The following NPHP4 variants were observed in gnomAD, a reference collection of about 807,000 sequenced individuals.
NPHP4 encodes the protein nephrocystin 4.
Under a neutral mutation model 155.8 loss-of-function variants are expected in NPHP4, and 151 were observed. The observed-to-expected ratio is 0.97, with a 90% confidence interval of 0.85 to 1.11. NPHP4 has a LOEUF of 1.11. Among genes scored for constraint, NPHP4 ranks in the 50% least tolerant of loss-of-function variants. The probability of loss-of-function intolerance (pLI) is 0.00; values close to 1 mark genes in which losing one functional copy is unlikely to be tolerated. For synonymous variants in NPHP4, 845 were observed against 816.8 expected (o/e 1.03, Z -0.59); for missense variants, 1,956 against 1,925.7 (o/e 1.02, Z -0.29).
chr1:5,863,336 T>A lies in NPHP4; in HGVS notation c.4210A>T (p.Ile1404Phe). The change falls in exon 30 of 30, where the codon ATC (isoleucine) becomes TTC (phenylalanine). Residue 1404 changes from isoleucine to phenylalanine, a missense_variant. Ile to Phe is a conservative substitution (Grantham distance 21). Coordinates refer to ENST00000378156, the MANE Select transcript of NPHP4 (RefSeq NM_015102.5). The part of the protein sequence containing the change: ...APSQRVGEEE[I>F]LIYINDHEDK... ...TCATGGTCATTGATGTAGATCAGGA[T>A]CTCCTCCTCACCCACTCTCTGACTA... is the stretch of plus-strand genomic sequence containing the variant. The A allele has an allele frequency of 6.2e-7, 1 of 1,613,900 alleles. No homozygotes were observed. Among genetic ancestry groups the A allele is most frequent in the South Asian group, 1.1e-5 (1 of 91,080 alleles).
chr1:5,917,054 G>A (rs1240209465), intron 11 of NPHP4, among the ~76,000 whole-genome samples: 3 of 152,190 alleles, frequency 2.0e-5, no homozygotes, highest in South Asian at 4.1e-4. Flanking sequence ...GGGAGACCAG[G>A]AGCCCCAACC....
chr1:5,873,176 G>T, intron 23 of NPHP4, 76 bp downstream of exon 23: 1 of 1,300,676 alleles, frequency 7.7e-7, no homozygotes, highest in Non-Finnish European at 1.1e-6. Flanking sequence ...CAGGAGGGGA[G>T]AGAAGGACAC....
At chr1:5,956,060 G>T (rs71571878) in intron 6 of NPHP4, among the ~76,000 whole-genome samples, 16 of 12,746 alleles carry the variant, frequency 1.3e-3, no homozygotes, top group Non-Finnish European at 4.9e-3. Flanking sequence ...TCAAAAAGCT[G>T]GGGGGGGGGG....
chr1:5,989,490 G>C (rs1324643943), intron 1 of NPHP4, among the ~76,000 whole-genome samples: 2 of 152,282 alleles, frequency 1.3e-5, no homozygotes, highest in East Asian at 3.9e-4. Context: ...ATCTTGTGTT[G>C]AATTGCTCGC....
chr1:5,941,364 G>C (rs916260571), intron 9 of NPHP4, among the ~76,000 whole-genome samples: 1 of 147,834 alleles, frequency 6.8e-6, no homozygotes, highest in African/African-American at 2.5e-5. Flanking sequence ...ATTCCTCTAT[G>C]ACTGGGGAAC....
At chr1:5,885,895 T>G (rs1570240979) in intron 18 of NPHP4, among the ~76,000 whole-genome samples, 1 of 152,252 alleles carries the variant, frequency 6.6e-6, no homozygotes, top group Middle Eastern at 3.4e-3. Flanking sequence ...GTGCTGCGGG[T>G]GGATTCGACC....
rs6689321 is a variant in NPHP4 at position 5,907,323 on chromosome 1, G to A, written c.1504-101C>T. ...CCACACCGGGGAACGGGGTAGCCCT[G>A]GATCCAGCCACGGAAGGGAGTGATG... On this transcript the variant is annotated intron_variant, in intron 12 of 29. Coordinates refer to ENST00000378156, the MANE Select transcript of NPHP4 (RefSeq NM_015102.5). The A allele has an allele frequency of 4.8e-3, 3,297 of 688,404 alleles. 90 individuals are homozygous for A. The African/African-American group carries it at 0.053, about 11-fold the overall frequency. The allele number at this position is 688,404 out of a possible 1,614,324, so 42.6% of individuals were successfully genotyped here.
intron 13 of NPHP4, among the ~76,000 whole-genome samples, chr1:5,906,884 G>A (rs1220832027): frequency 6.6e-6 from 1 of 152,190 alleles, no homozygotes; most frequent in African/African-American, 2.4e-5. Flanking sequence ...TGAGTCAAGC[G>A]CTGTGGTATG....
intron 5 of NPHP4, 42 bp downstream of exon 5, chr1:5,967,257 A>G (rs1286860145): frequency 6.6e-7 from 1 of 1,504,278 alleles, no homozygotes; most frequent in Non-Finnish European, 9.1e-7. Flanking sequence ...CAGGGAAGGC[A>G]CGAGAGCAGT....
chr1:5,919,101 A>G (rs1444139723), intron 11 of NPHP4, among the ~76,000 whole-genome samples: 1 of 152,226 alleles, frequency 6.6e-6, no homozygotes, highest in Non-Finnish European at 1.5e-5. Context: ...TCGCCTATAT[A>G]TACCAGCGGA....
chr1:5,879,795 G>A (rs61762097), intron 19 of NPHP4, among the ~76,000 whole-genome samples: 37 of 77,234 alleles, frequency 4.8e-4, no homozygotes, highest in South Asian at 2.5e-3. Context: ...ACACACACAC[G>A]CAAACACACA....
At chr1:5,984,863 G>T (rs1476391054) in intron 2 of NPHP4, among the ~76,000 whole-genome samples, 1 of 152,224 alleles carries the variant, frequency 6.6e-6, no homozygotes, top group Admixed American at 6.5e-5. Flanking sequence ...CTGGAAGGCG[G>T]CTGAGCCAGA....
At chr1:5,950,778 A>G (rs1229734671) in intron 7 of NPHP4, among the ~76,000 whole-genome samples, 2 of 152,178 alleles carry the variant, frequency 1.3e-5, no homozygotes, top group Non-Finnish European at 2.9e-5. Flanking sequence ...ATTTTCCAAA[A>G]AAGTCCCTTT....
chr1:5,943,200 T>C (rs1473023682), intron 9 of NPHP4, among the ~76,000 whole-genome samples: 2 of 152,118 alleles, frequency 1.3e-5, no homozygotes, highest in Admixed American at 1.3e-4. Context: ...AGGAAAAAGG[T>C]TTTAGATGCT....
intron 16 of NPHP4, among the ~76,000 whole-genome samples, chr1:5,899,382 C>T (rs76984673): frequency 0.04 from 6,139 of 152,238 alleles, 208 homozygotes; most frequent in Non-Finnish European, 0.063. Flanking sequence ...GACAAGAGGC[C>T]AGCAAAAGAA....
chr1:5,969,124 G>T lies in NPHP4; in HGVS notation c.415C>A (p.Gln139Lys). 6.4e-7 allele frequency: 1 copy of T among 1,551,432 alleles called. No homozygotes were observed. The highest frequency in any genetic ancestry group is 8.7e-7 in the Non-Finnish European group (1 of 1,146,680). The change falls in exon 4 of 30, where the codon CAG (glutamine) becomes AAG (lysine). Residue 139 changes from glutamine to lysine, a missense_variant. By Grantham distance (53) the Gln-to-Lys change is moderately conservative. Transcript: ENST00000378156. ...GAAGCAGAGATAGGAGAGTCCGGCT[G>T]GTTGCTGAAGATCCGAAGAATTCCA... ...GFGILRIFSNQPDSPISASQD... is the reference protein window; with the variant it reads ...GFGILRIFSNKPDSPISASQD...
chr1:5,953,682 T>A (rs1196358881), intron 6 of NPHP4, among the ~76,000 whole-genome samples: 2 of 152,090 alleles, frequency 1.3e-5, no homozygotes, highest in Non-Finnish European at 2.9e-5. Flanking sequence ...GGGACCCAGC[T>A]CACGGTCTCG....
At chr1:5,874,812 G>T in intron 21 of NPHP4, 62 bp downstream of exon 21, 1 of 1,557,276 alleles carries the variant, frequency 6.4e-7, no homozygotes, top group South Asian at 1.1e-5. Context: ...GCTCAGCAGG[G>T]GTGCCGGCTG....
chr1:5,873,455 C>A (rs753179696), intron 22 of NPHP4, 120 bp from the exon 23 acceptor site: 7 of 764,944 alleles, frequency 9.2e-6, no homozygotes, highest in Non-Finnish European at 1.6e-5. Flanking sequence ...CACACTGACT[C>A]TCCAGGCAGC....
Sources: allele counts gnomAD v4.1 joint callset (sites outside exome capture counted in the v4.1 genomes callset), GRCh38; gene constraint gnomAD v4.1.1; transcripts MANE v1.5; gene names NCBI Gene and HGNC (gene_info 2026-07-23, HGNC 2026-07-21).